The following PCDH15 variants were observed in gnomAD, a reference collection of about 807,000 sequenced individuals.
The protein encoded by PCDH15 is protocadherin related 15, also known as protocadherin-15.
Under a neutral mutation model 178.5 loss-of-function variants are expected in PCDH15, and 129 were observed. The ratio of observed to expected loss-of-function variants is 0.72; its 90% CI spans 0.63 to 0.84. The LOEUF (loss-of-function observed/expected upper bound fraction) is 0.84. PCDH15 is among the 40% of genes least tolerant of loss of function. The pLI is 0.00. For missense variants in PCDH15, 2,230 were observed against 2,099.9 expected, an observed-to-expected ratio of 1.06 and a Z score of -1.21; for synonymous variants, 800 against 732.0, an observed-to-expected ratio of 1.09 and a Z score of -1.50.
At chr10:54,142,320 C>A (rs746517048) in intron 14 of PCDH15, among the ~76,000 whole-genome samples, 1 of 152,138 alleles carries the variant, frequency 6.6e-6, no homozygotes, top group Non-Finnish European at 1.5e-5. Context: ...CTGAAGAAAG[C>A]ACTGACTTCT....
chr10:55,446,265 T>C (rs1839313765), intron 2 of PCDH15, among the ~76,000 whole-genome samples: 1 of 151,692 alleles, frequency 6.6e-6, no homozygotes, highest in South Asian at 2.1e-4. Context: ...AAAAATCATG[T>C]TTATGAGCAA....
At chr10:55,122,721 G>A (rs184472476) in intron 2 of PCDH15, among the ~76,000 whole-genome samples, 52 of 152,130 alleles carry the variant, frequency 3.4e-4, no homozygotes, top group East Asian at 7.7e-4. Context: ...CTTGGCCAGT[G>A]GTAACAATAA....
At chr10:55,135,251 C>A (rs148260478) in intron 2 of PCDH15, among the ~76,000 whole-genome samples, 1 of 152,102 alleles carries the variant, frequency 6.6e-6, no homozygotes, top group African/African-American at 2.4e-5. Context: ...GGGATAACAA[C>A]GGATCTGACT....
intron 2 of PCDH15, among the ~76,000 whole-genome samples, chr10:55,401,891 A>G (rs1217240264): frequency 6.6e-6 from 1 of 152,068 alleles, no homozygotes; most frequent in East Asian, 1.9e-4. Flanking sequence ...ACAAGGCAAT[A>G]TCCACATATT....
intron 2 of PCDH15, among the ~76,000 whole-genome samples, chr10:54,540,191 A>G (rs1193375514): frequency 1.3e-5 from 2 of 152,158 alleles, no homozygotes; most frequent in Non-Finnish European, 2.9e-5. Context: ...AAAATCCATA[A>G]AAGCATCAGC....
intron 21 of PCDH15, among the ~76,000 whole-genome samples, chr10:53,980,655 A>C (rs996103133): frequency 1.3e-5 from 2 of 152,224 alleles, no homozygotes; most frequent in African/African-American, 2.4e-5. Context: ...AGCCCAAACA[A>C]TAATCCAGCA....
chr10:54,246,036 T>C (rs985119737), intron 8 of PCDH15, among the ~76,000 whole-genome samples: 2 of 151,976 alleles, frequency 1.3e-5, no homozygotes, highest in East Asian at 1.9e-4. Flanking sequence ...TGACAATATA[T>C]GTAGCTTAAA....
intron 17 of PCDH15, among the ~76,000 whole-genome samples, chr10:54,067,178 T>C (rs1257416696): frequency 6.6e-6 from 1 of 152,202 alleles, no homozygotes; most frequent in African/African-American, 2.4e-5. Flanking sequence ...TTTATCTTGT[T>C]CACATTTTAT....
chr10:54,012,259 G>C (rs1285984346), intron 20 of PCDH15, among the ~76,000 whole-genome samples: 1 of 152,018 alleles, frequency 6.6e-6, no homozygotes, highest in Non-Finnish European at 1.5e-5. Flanking sequence ...GAATAAAAAA[G>C]AATGGACAAA....
chr10:53,984,176 G>A (rs1347144966), intron 21 of PCDH15, among the ~76,000 whole-genome samples: 2 of 115,010 alleles, frequency 1.7e-5, no homozygotes, highest in African/African-American at 7.4e-5. Flanking sequence ...TTGAGGCAGA[G>A]TCTTGCTCTG....
At chr10:55,497,992 G>A (rs112236508) in intron 2 of PCDH15, among the ~76,000 whole-genome samples, 1 of 151,738 alleles carries the variant, frequency 6.6e-6, no homozygotes, top group Non-Finnish European at 1.5e-5. Context: ...AATCTGTTGG[G>A]TTTAGCCTAT....
intron 2 of PCDH15, among the ~76,000 whole-genome samples, chr10:55,131,803 T>A (rs1838053007): frequency 6.6e-6 from 1 of 152,070 alleles, no homozygotes; most frequent in Admixed American, 6.6e-5. Context: ...AGAAAGTACA[T>A]GCTGATTGGT....
At chr10:53,965,959 A>C (rs2088969901) in intron 21 of PCDH15, among the ~76,000 whole-genome samples, 1 of 151,844 alleles carries the variant, frequency 6.6e-6, no homozygotes, top group Non-Finnish European at 1.5e-5. Context: ...TCAGATGCCT[A>C]AAATAGTTTG....
In PCDH15 at chr10:53,931,259, G is replaced by T. The variant is rs140808174; in HGVS notation, c.3373+7556C>A. On this transcript the variant is annotated intron_variant, in intron 25 of 37. Transcript: ENST00000644397. ...ACTAAACCACTGTTATGAAAAGGCTGCAAATCAGGGGTGGTGAGGTGGGAG... is the reference window on the plus strand; with the variant it reads ...ACTAAACCACTGTTATGAAAAGGCTTCAAATCAGGGGTGGTGAGGTGGGAG... 3.5e-3 allele frequency among the ~76,000 whole-genome samples: 536 copies of T among 152,316 alleles called. 4 individuals are homozygous for T. Among genetic ancestry groups the T allele is most frequent in the Middle Eastern group, 0.01 (3 of 294 alleles).
intron 2 of PCDH15, among the ~76,000 whole-genome samples, chr10:55,154,041 CG>C (rs1177565277): frequency 2.0e-5 from 3 of 152,120 alleles, no homozygotes; most frequent in Non-Finnish European, 4.4e-5. Context: ...ACCATGTACA[CG>C]TTCATTAAAT....
At chr10:54,019,657 G>T (rs2092851199) in intron 20 of PCDH15, among the ~76,000 whole-genome samples, 1 of 151,996 alleles carries the variant, frequency 6.6e-6, no homozygotes, top group South Asian at 2.1e-4. Flanking sequence ...TATAATAAAT[G>T]GGATAACAAA....
At chr10:54,344,904 CAAA>C (rs57295345) in intron 6 of PCDH15, among the ~76,000 whole-genome samples, 18,951 of 77,444 alleles carry the variant, frequency 0.24, 1,037 homozygotes, top group Non-Finnish European at 0.3. Context: ...AGAAACAAAG[CAAA>C]AAAAAAAAAA....
At chr10:54,794,182 A>G (rs1951736762) in intron 1 of PCDH15, among the ~76,000 whole-genome samples, 2 of 149,560 alleles carry the variant, frequency 1.3e-5, no homozygotes, top group Admixed American at 1.3e-4. Flanking sequence ...TCAAAATGGC[A>G]ACTATTTACT....
At chr10:54,721,908 G>A (rs549723448) in intron 1 of PCDH15, among the ~76,000 whole-genome samples, 3 of 151,658 alleles carry the variant, frequency 2.0e-5, no homozygotes, top group Non-Finnish European at 3.0e-5. Context: ...CGAGCGAGGC[G>A]ACAATGTAAA....
Sources: allele counts gnomAD v4.1 joint callset (sites outside exome capture counted in the v4.1 genomes callset), GRCh38; gene constraint gnomAD v4.1.1; transcripts MANE v1.5; gene names NCBI Gene and HGNC (gene_info 2026-07-23, HGNC 2026-07-21).